The following ARSG variants were observed in gnomAD, a reference collection of about 807,000 sequenced individuals.
ARSG encodes ASG.
A neutral mutation model predicts 50.5 loss-of-function variants in ARSG; 37 were observed. The ratio of observed to expected loss-of-function variants is 0.73; its 90% CI spans 0.56 to 0.96. The LOEUF is 0.96. ARSG is among the 50% of genes least tolerant of loss of function. The pLI, the probability that ARSG is intolerant of heterozygous loss-of-function variation, is 0.00. For synonymous variants in ARSG, 225 were observed against 254.6 expected (o/e 0.88, Z 1.11); for missense variants, 629 against 675.3 (o/e 0.93, Z 0.76).
downstream of ARSG, chr17:68,426,236 G>C: frequency 1.6e-6 from 2 of 1,228,378 alleles, no homozygotes; most frequent in Non-Finnish European, 2.3e-6. Context: ...GCCATGACCT[G>C]GCGGGTGGGG....
In ARSG at chr17:68,378,930, C is replaced by T. The variant is rs1440941563; in HGVS notation, c.983-6134C>T. ...CTGGGCCTTCTGTCCAGTTTGGGGT[C>T]GGGGGTGGGGCGGGGAAAAGTCAGA... On this transcript the variant is annotated intron_variant, in intron 8 of 11. Transcript: ENST00000621439. The surrounding 1 kb of genome is among the most constrained non-coding windows in gnomAD (Gnocchi z 4.4). 9.4e-5 allele frequency among the ~76,000 whole-genome samples: 8 copies of T among 85,148 alleles called. No individual in the cohort carries two copies. The highest frequency in any genetic ancestry group is 3.7e-4 in the South Asian group (1 of 2,732). The allele number at this position is 85,148 out of a possible 152,430, so 55.9% of individuals were successfully genotyped here.
intron 1 of ARSG, among the ~76,000 whole-genome samples, chr17:68,302,056 T>C (rs1395807049): frequency 6.6e-6 from 1 of 152,118 alleles, no homozygotes; most frequent in African/African-American, 2.4e-5. Flanking sequence ...GCAGGGACTT[T>C]TGTCTGTTTC....
chr17:68,388,773 A>G (rs1363379858), intron 9 of ARSG, among the ~76,000 whole-genome samples: 2 of 152,002 alleles, frequency 1.3e-5, no homozygotes, highest in Non-Finnish European at 2.9e-5. Flanking sequence ...AAAAATACAA[A>G]AATTAGCCGG....
intron 11 of ARSG, among the ~76,000 whole-genome samples, chr17:68,411,581 T>G (rs2081996306): frequency 1.3e-5 from 2 of 150,882 alleles, no homozygotes; most frequent in Admixed American, 6.6e-5. Context: ...GGTGTGGTGC[T>G]GAAAAAAATG....
At chr17:68,269,097 C>T in intron 1 of ARSG, 1 of 1,525,576 alleles carries the variant, frequency 6.6e-7, no homozygotes, top group Middle Eastern at 1.8e-4. Flanking sequence ...GAAAGTGTGT[C>T]ATACCGGCTC....
At chr17:68,298,421 C>G (rs2076285813) in intron 1 of ARSG, among the ~76,000 whole-genome samples, 1 of 151,544 alleles carries the variant, frequency 6.6e-6, no homozygotes, top group Non-Finnish European at 1.5e-5. Flanking sequence ...CTGGTGAAAC[C>G]CTGTCTCTAC....
chr17:68,288,320 A>G (rs1380545757), upstream of ARSG, among the ~76,000 whole-genome samples: 2 of 151,810 alleles, frequency 1.3e-5, no homozygotes, highest in Non-Finnish European at 2.9e-5. Context: ...CTTTTTTTCC[A>G]TTCCTTCAGC....
chr17:68,326,481 A>T (rs1555772506), intron 2 of ARSG, among the ~76,000 whole-genome samples: 1 of 152,198 alleles, frequency 6.6e-6, no homozygotes, highest in African/African-American at 2.4e-5. Context: ...CCTGGCCAAG[A>T]TGGTGAAACT....
rs1269567589 is a variant in ARSG at position 68,355,908 on chromosome 17, G to T, written c.567-759G>T. Among the ~76,000 whole-genome samples, 3 of 151,938 alleles carry T rather than the reference G, an allele frequency of 2.0e-5. No homozygotes were observed. The East Asian group carries it at 5.8e-4, about 29-fold the overall frequency. ...TGTATTTATTTATTTTTGAGATGGA[G>T]TCTCACTCTGTCACCCAGGGTAGAG... On this transcript the variant is annotated intron_variant, in intron 5 of 11. Coordinates refer to ENST00000621439, the MANE Select transcript of ARSG (RefSeq NM_001267727.2).
In ARSG at chr17:68,376,276, C is replaced by CGTTTTTTTTTTTTTTTTTTTTTTTTTT. The variant is rs149045241; in HGVS notation, c.982+5752_982+5753insGTTTTTTTTTTTTTTTTTTTTTTTTTT. 1.5e-5 allele frequency among the ~76,000 whole-genome samples: 2 copies of CGTTTTTTTTTTTTTTTTTTTTTTTTTT among 131,944 alleles called. 1 individual carries two copies. 86.6% of individuals were successfully genotyped at this position (131,944 alleles called of 152,430 possible). Reference sequence around the variant, plus strand: ...CAGGAGTGTGCCACTGCGCCCCCTGCATTTTTTTTTTTTTTTCTGAGATAG... The same window carrying CGTTTTTTTTTTTTTTTTTTTTTTTTTT: ...CAGGAGTGTGCCACTGCGCCCCCTGCGTTTTTTTTTTTTTTTTTTTTTTTTTTATTTTTTTTTTTTTTTCTGAGATAG... On this transcript the variant is annotated intron_variant, in intron 8 of 11. Transcript: ENST00000621439.
intron 2 of ARSG, among the ~76,000 whole-genome samples, chr17:68,312,819 G>A (rs1300075556): frequency 1.3e-5 from 2 of 152,062 alleles, no homozygotes; most frequent in Admixed American, 6.5e-5. Flanking sequence ...TTTCAGACAC[G>A]AACTCTTATT....
intron 2 of ARSG, among the ~76,000 whole-genome samples, chr17:68,329,172 A>G (rs1169110556): frequency 3.9e-5 from 6 of 152,242 alleles, no homozygotes; most frequent in Non-Finnish European, 8.8e-5. Flanking sequence ...TGTGGAGACC[A>G]GAGCAGAGTG....
chr17:68,347,015 C>T, intron 3 of ARSG, 110 bp from the exon 4 acceptor site: 1 of 1,563,270 alleles, frequency 6.4e-7, no homozygotes, highest in Non-Finnish European at 8.7e-7. Context: ...TTGGCTTGTC[C>T]ACAGTGCGAG....
chr17:68,418,725 T>G (rs2082550279), intron 11 of ARSG, among the ~76,000 whole-genome samples: 1 of 152,120 alleles, frequency 6.6e-6, no homozygotes, highest in Non-Finnish European at 1.5e-5. Context: ...CTCAGTTTTA[T>G]TTTTCATAAG....
In ARSG at chr17:68,349,677, A is replaced by G. The variant is rs551082545; in HGVS notation, c.455-1898A>G. ...GGCAGGTGGATTACTTGAGGTCAGCAGTTTGCAACCAGCCTGGCCAACATG... is the reference window on the plus strand; with the variant it reads ...GGCAGGTGGATTACTTGAGGTCAGCGGTTTGCAACCAGCCTGGCCAACATG... On this transcript the variant is annotated intron_variant, in intron 4 of 11. Coordinates refer to ENST00000621439, the MANE Select transcript of ARSG (RefSeq NM_001267727.2). 1.3e-3 allele frequency among the ~76,000 whole-genome samples: 196 copies of G among 152,346 alleles called. 1 individual carries two copies. The highest frequency in any genetic ancestry group is 4.6e-3 in the African/African-American group (191 of 41,580).
intron 5 of ARSG, among the ~76,000 whole-genome samples, chr17:68,356,261 C>T (rs2079027404): frequency 6.6e-6 from 1 of 152,192 alleles, no homozygotes. Flanking sequence ...CGCTGAGTTG[C>T]ACGCCATACA....
chr17:68,426,241 G>T, downstream of ARSG: 2 of 1,107,550 alleles, frequency 1.8e-6, no homozygotes, highest in Non-Finnish European at 2.6e-6. Flanking sequence ...GACCTGGCGG[G>T]TGGGGAGCGG....
chr17:68,366,119 A>C (rs1274079329), intron 6 of ARSG, among the ~76,000 whole-genome samples: 1 of 151,888 alleles, frequency 6.6e-6, no homozygotes, highest in Non-Finnish European at 1.5e-5. Context: ...TGTATTTGTT[A>C]GTAGAGGCAG....
chr17:68,435,538 A>G, the ARSG span: 1 of 1,344,100 alleles, frequency 7.4e-7, no homozygotes. Flanking sequence ...TCATGTCACC[A>G]GGTTTGTTCA....
Sources: gnomAD v4.1 joint callset for allele counts (sites outside exome capture counted in the v4.1 genomes callset) on GRCh38, gnomAD v4.1.1 for gene constraint, Gnocchi (gnomAD v3.1) non-coding constraint, MANE v1.5 for transcripts, NCBI Gene and HGNC (gene_info 2026-07-23, HGNC 2026-07-21) for gene names.